Variants in CIB2 observed in about 807,000 individuals in gnomAD.
The protein encoded by CIB2 is calcium and integrin-binding family member 2.
Under a neutral mutation model 23.1 loss-of-function variants are expected in CIB2, and 19 were observed. That is an observed-to-expected ratio of 0.82 (90% CI 0.57 to 1.21). The LOEUF is 1.21. CIB2 is among the 50% of genes most tolerant of loss of function. The pLI is 0.00. For missense variants in CIB2, 220 were observed against 241.5 expected, an observed-to-expected ratio of 0.91 and a Z score of 0.59; for synonymous variants, 94 against 91.7, an observed-to-expected ratio of 1.03 and a Z score of -0.14.
chr15:78,105,318 C>G lies in CIB2; in HGVS notation c.557G>C (p.Arg186Pro). ...APDFLSTFHI[R>P]I ...ACAGCCTCGGCAGTGTCCTCAGATCCGGATGTGGAAAGTGCTAGAAAGAGA... is the reference window on the plus strand; with the variant it reads ...ACAGCCTCGGCAGTGTCCTCAGATCGGGATGTGGAAAGTGCTAGAAAGAGA... Residue 186 changes from arginine to proline, a missense_variant, in exon 6 of 6, where the codon CGG becomes CCG. Arg to Pro is a moderately radical substitution (Grantham distance 103, BLOSUM62 -2). Transcript: ENST00000258930. The G allele has an allele frequency of 1.2e-6, 2 of 1,613,922 alleles. No individual in the cohort carries two copies. The highest frequency in any genetic ancestry group is 1.7e-6 in the Non-Finnish European group (2 of 1,179,964).
chr15:78,109,211 G>GCC, intron 4 of CIB2, 24 bp downstream of exon 4: 1 of 1,564,328 alleles, frequency 6.4e-7, no homozygotes, highest in Non-Finnish European at 8.7e-7. Flanking sequence ...GCATATTCAG[G>GCC]CCCCCTCCTC....
At chr15:78,123,618 G>C in intron 2 of CIB2, 87 bp downstream of exon 2, 1 of 1,391,216 alleles carries the variant, frequency 7.2e-7, no homozygotes, top group Non-Finnish European at 1.0e-6. Context: ...CTCAGCCCCA[G>C]GAGCACAGCC....
At chr15:78,129,058 C>T (rs1233342429) in intron 1 of CIB2, among the ~76,000 whole-genome samples, 1 of 152,094 alleles carries the variant, frequency 6.6e-6, no homozygotes, top group Non-Finnish European at 1.5e-5. Flanking sequence ...GTGTTCTGGA[C>T]AGAAGCTTAA....
In CIB2 at chr15:78,109,364, T is replaced by C. The variant is rs1338080083; in HGVS notation, c.217A>G (p.Arg73Gly). The stretch of plus-strand genomic sequence containing the variant: ...TCCTCGGAAAACGCCGCCACGATCC[T>C]TTCTTTGAAGGGATTCTCCTGAAGA... ...PELRENPFKE[R>G]IVAAFSEDGE... Residue 73 changes from arginine to glycine, a missense_variant, in exon 4 of 6, where the codon AGG becomes GGG. Transcript: ENST00000258930. 1 of 1,614,010 alleles carries C rather than the reference T, an allele frequency of 6.2e-7. No homozygotes were observed. Among genetic ancestry groups the C allele is most frequent in the East Asian group, 2.2e-5 (1 of 44,888 alleles).
At chr15:78,106,935 A>G (rs2141882477) in intron 4 of CIB2, among the ~76,000 whole-genome samples, 1 of 152,226 alleles carries the variant, frequency 6.6e-6, no homozygotes, top group East Asian at 1.9e-4. Context: ...ACACATGAAG[A>G]AACAGAGAGG....
chr15:78,131,198 G>GGTC lies in CIB2; in HGVS notation c.15_17dup (p.Thr6dup). 1 of 1,585,746 alleles carries GGTC rather than the reference G, an allele frequency of 6.3e-7. No homozygotes were observed. On this transcript the variant is annotated inframe_insertion, in exon 1 of 6. Coordinates refer to ENST00000258930, the MANE Select transcript of CIB2 (RefSeq NM_006383.4). The surrounding 1 kb of genome is among the most constrained non-coding windows in gnomAD (Gnocchi z 5.8). ...TGTCTAGCTGCTCTTCGGTGAAGAT[G>GGTC]GTCTGCTTGTTCCCCATGGTGGCCG...
Position 78,109,759 on chromosome 15 carries a change from A to G in CIB2, c.199-377T>C, listed in dbSNP as rs536402686. Among the ~76,000 whole-genome samples, 8 of 142,074 alleles carry G rather than the reference A, an allele frequency of 5.6e-5. No homozygotes were observed. In the South Asian group the frequency reaches 1.6e-3, roughly 28 times the overall value. The allele number at this position is 142,074 out of a possible 152,430, so 93.2% of individuals were successfully genotyped here. ...GAGTTTGAGGCTTCAGTGAGCCATG[A>G]TCGTCCCACTGCACTCCAGCCTGGG... On this transcript the variant is annotated intron_variant, in intron 3 of 5. Transcript: ENST00000258930.
rs1264259681 is a variant in CIB2 at position 78,131,400 on chromosome 15, GGACGGGAACCCGGAGCGGCAGC to G, written c.-207_-186del. On this transcript the variant is annotated 5_prime_UTR_variant, in exon 1 of 6. Coordinates refer to ENST00000258930, the MANE Select transcript of CIB2 (RefSeq NM_006383.4). This position sits in a 1 kb window ranked among gnomAD's most constrained non-coding sequence, Gnocchi z 5.8. ...AGGCGCGCGGGGGTCTCGGAGGCGGGGACGGGAACCCGGAGCGGCAGCGACTCCGCCGCCGGCGGGAAGAGGG... is the reference window on the plus strand; with the variant it reads ...AGGCGCGCGGGGGTCTCGGAGGCGGGGACTCCGCCGCCGGCGGGAAGAGGG... 4.1e-5 allele frequency: 10 copies of G among 245,620 alleles called. No homozygotes were observed. The highest frequency in any genetic ancestry group is 6.3e-5 in the Non-Finnish European group (9 of 142,334). 15.2% of individuals were successfully genotyped at this position (245,620 alleles called of 1,614,324 possible).
chr15:78,121,198 A>G (rs1456284334), intron 2 of CIB2, among the ~76,000 whole-genome samples: 1 of 152,116 alleles, frequency 6.6e-6, no homozygotes, highest in Non-Finnish European at 1.5e-5. Flanking sequence ...AGCTCTTTTC[A>G]TGTTTAATAA....
At chr15:78,126,429 C>A (rs1202552822) in intron 1 of CIB2, among the ~76,000 whole-genome samples, 1 of 152,216 alleles carries the variant, frequency 6.6e-6, no homozygotes, top group Non-Finnish European at 1.5e-5. Context: ...TAGGCATGAG[C>A]TACCACGCAT....
intron 2 of CIB2, among the ~76,000 whole-genome samples, chr15:78,114,896 TA>T (rs35601905): frequency 0.099 from 13,958 of 141,472 alleles, 685 homozygotes; most frequent in Non-Finnish European, 0.13. Flanking sequence ...ACCCTGTCTC[TA>T]AAAAAAAAAA....
At chr15:78,106,807 T>C (rs1213250477) in intron 4 of CIB2, among the ~76,000 whole-genome samples, 2 of 152,150 alleles carry the variant, frequency 1.3e-5, no homozygotes, top group Non-Finnish European at 2.9e-5. Flanking sequence ...CTGTTGCCCA[T>C]TGGCAAACTC....
At chr15:78,127,045 T>G (rs1351507224) in intron 1 of CIB2, among the ~76,000 whole-genome samples, 1 of 152,040 alleles carries the variant, frequency 6.6e-6, no homozygotes, top group Admixed American at 6.6e-5. Context: ...ATCTGTAAAG[T>G]GGAAATAGGC....
At position 78,104,933 on chromosome 15, in the gene CIB2, G is replaced by A. The variant is rs1203170861; in HGVS notation, c.*378C>T. 2 of 259,570 alleles carry A rather than the reference G, an allele frequency of 7.7e-6. No homozygotes were observed. The highest frequency in any genetic ancestry group is 1.5e-5 in the Non-Finnish European group (2 of 131,330). The allele number at this position is 259,570 out of a possible 1,614,324, so 16.1% of individuals were successfully genotyped here. ...TTTTTTTTTTTTCCGCTCTGTCCTGGGTGACCAGGGTGTCTGCCAGCACTT... is the reference window on the plus strand; with the variant it reads ...TTTTTTTTTTTTCCGCTCTGTCCTGAGTGACCAGGGTGTCTGCCAGCACTT... On this transcript the variant is annotated 3_prime_UTR_variant, in exon 6 of 6. Coordinates refer to ENST00000258930, the MANE Select transcript of CIB2 (RefSeq NM_006383.4). This position sits in a 1 kb window ranked among gnomAD's most constrained non-coding sequence, Gnocchi z 4.4.
At chr15:78,126,143 C>G (rs1024231151) in intron 1 of CIB2, among the ~76,000 whole-genome samples, 1 of 143,426 alleles carries the variant, frequency 7.0e-6, no homozygotes, top group African/African-American at 2.8e-5. Flanking sequence ...TTCCCCTGCC[C>G]CCCCCCCTTT....
At chr15:78,105,436 G>T in intron 5 of CIB2, 104 bp from the exon 6 acceptor site, 1 of 1,581,370 alleles carries the variant, frequency 6.3e-7, no homozygotes, top group South Asian at 1.1e-5. Flanking sequence ...GCTGGACAGT[G>T]CCTCATTAGG....
chr15:78,127,545 C>G (rs1289638573), intron 1 of CIB2, among the ~76,000 whole-genome samples: 1 of 152,194 alleles, frequency 6.6e-6, no homozygotes, highest in Non-Finnish European at 1.5e-5. Flanking sequence ...AGCCTATATT[C>G]ACCCTATTCC....
At position 78,105,946 on chromosome 15, in the gene CIB2, G is replaced by A. The variant is rs1229514235; in HGVS notation, c.347-12C>T. 2.4e-5 allele frequency: 38 copies of A among 1,612,312 alleles called. No homozygotes were observed. Among genetic ancestry groups the A allele is most frequent in the Non-Finnish European group, 3.1e-5 (37 of 1,178,698 alleles). On this transcript the variant is annotated splice_polypyrimidine_tract_variant and intron_variant, in intron 4 of 5. Coordinates refer to ENST00000258930, the MANE Select transcript of CIB2 (RefSeq NM_006383.4). ...GTCAGTGTTGAAGTCTGTAGGGCAG[G>A]GGTTGGACATGTTCAAGTCCAGGCT...
At chr15:78,126,520 G>A (rs1315016362) in intron 1 of CIB2, among the ~76,000 whole-genome samples, 1 of 152,164 alleles carries the variant, frequency 6.6e-6, no homozygotes, top group East Asian at 1.9e-4. Flanking sequence ...AAGATCCTCT[G>A]TGCTTCTTGG....
Sources: allele counts gnomAD v4.1 joint callset (sites outside exome capture counted in the v4.1 genomes callset), GRCh38; gene constraint gnomAD v4.1.1; non-coding constraint Gnocchi (gnomAD v3.1); transcripts MANE v1.5; gene names NCBI Gene and HGNC (gene_info 2026-07-23, HGNC 2026-07-21).